CHLSN: variants seen among roughly 807,000 people sequenced by gnomAD.
CHLSN encodes cholesin.
At chr7:1,124,843 C>T in the CHLSN span, among the ~76,000 whole-genome samples, 4 of 152,156 alleles carry the variant, frequency 2.6e-5, no homozygotes, top group African/African-American at 9.7e-5. Context: ...AGGTGGAACG[C>T]GGGGCTGCCT....
the CHLSN span, among the ~76,000 whole-genome samples, chr7:992,714 T>C: frequency 6.6e-6 from 1 of 152,196 alleles, no homozygotes; most frequent in Non-Finnish European, 1.5e-5. Context: ...TGGGGCTCCC[T>C]CAGAGCGGGG....
chr7:1,039,615 G>T, the CHLSN span, among the ~76,000 whole-genome samples: 2 of 63,756 alleles, frequency 3.1e-5, no homozygotes, highest in Non-Finnish European at 5.5e-5. Context: ...CTGCCCGGCC[G>T]CCCCTACTGG....
chr7:985,370 A>G, the CHLSN span: 1 of 1,532,002 alleles, frequency 6.5e-7, no homozygotes, highest in South Asian at 1.2e-5. Flanking sequence ...GCCTGGAGTG[A>G]TGGGCGTGCA....
the CHLSN span, chr7:1,009,884 C>T: frequency 1.5e-6 from 2 of 1,363,344 alleles, no homozygotes; most frequent in East Asian, 2.5e-5. Flanking sequence ...GTGAAGGCTT[C>T]GACCCCCTCA....
At chr7:1,109,883 C>A in the CHLSN span, among the ~76,000 whole-genome samples, 1 of 148,510 alleles carries the variant, frequency 6.7e-6, no homozygotes, top group Non-Finnish European at 1.5e-5. Context: ...GCAACCACCT[C>A]CATCCTCACC....
chr7:1,099,681 C>T, the CHLSN span, among the ~76,000 whole-genome samples: 3 of 152,236 alleles, frequency 2.0e-5, no homozygotes, highest in Non-Finnish European at 2.9e-5. Flanking sequence ...GAGATGCCAG[C>T]TCCGCCTCCT....
the CHLSN span, among the ~76,000 whole-genome samples, chr7:1,008,852 TAA>T: frequency 1.4e-5 from 2 of 145,488 alleles, no homozygotes; most frequent in African/African-American, 2.7e-5. Flanking sequence ...CGCACACACG[TAA>T]ACACACGCAC....
chr7:1,083,715 G>A, the CHLSN span, among the ~76,000 whole-genome samples: 2 of 151,706 alleles, frequency 1.3e-5, no homozygotes, highest in Non-Finnish European at 2.9e-5. Flanking sequence ...TCAGCATGCT[G>A]TGGTCAACTG....
chr7:1,050,921 CT>C, the CHLSN span, among the ~76,000 whole-genome samples: 5 of 152,228 alleles, frequency 3.3e-5, no homozygotes, highest in Non-Finnish European at 4.4e-5. Flanking sequence ...TCCTGCTTAG[CT>C]GGGCCTCACC....
the CHLSN span, among the ~76,000 whole-genome samples, chr7:1,023,955 C>G: frequency 2.0e-5 from 3 of 151,752 alleles, no homozygotes; most frequent in South Asian, 6.2e-4. This position sits in a 1 kb window ranked among gnomAD's most constrained non-coding sequence, Gnocchi z 5.0. Context: ...ATCCTCCCAC[C>G]TCAGCCTCCC....
chr7:1,031,391 C>CG, the CHLSN span, among the ~76,000 whole-genome samples: 2,001 of 73,972 alleles, frequency 0.027, 79 homozygotes, highest in African/African-American at 0.05. Context: ...CAGAGTGGTC[C>CG]GGGGGGGCAG....
the CHLSN span, among the ~76,000 whole-genome samples, chr7:1,050,845 C>A: frequency 6.6e-6 from 1 of 152,202 alleles, no homozygotes; most frequent in African/African-American, 2.4e-5. Context: ...TCGGCAGGGA[C>A]CAGGAACCCA....
the CHLSN span, chr7:1,092,373 G>C: frequency 2.5e-6 from 4 of 1,582,228 alleles, no homozygotes; most frequent in Non-Finnish European, 3.4e-6. Context: ...GGGAGGTGCA[G>C]TGGCTCGAGG....
At chr7:1,017,782 T>G in the CHLSN span, among the ~76,000 whole-genome samples, 1 of 152,030 alleles carries the variant, frequency 6.6e-6, no homozygotes, top group Non-Finnish European at 1.5e-5. Context: ...GACGGCAGGG[T>G]AAGGGGCTTC....
chr7:1,030,155 A>C, the CHLSN span, among the ~76,000 whole-genome samples: 5,385 of 152,198 alleles, frequency 0.035, 115 homozygotes, highest in African/African-American at 0.058. Flanking sequence ...GCCAGCCCAC[A>C]CAGTCACCTG....
At chr7:1,081,266 A>G in the CHLSN span, among the ~76,000 whole-genome samples, 1 of 152,146 alleles carries the variant, frequency 6.6e-6, no homozygotes, top group African/African-American at 2.4e-5. Flanking sequence ...GCTCCACCAG[A>G]CTGACCTTGC....
chr7:1,040,439 G>A, the CHLSN span, among the ~76,000 whole-genome samples: 1 of 152,148 alleles, frequency 6.6e-6, no homozygotes, highest in Non-Finnish European at 1.5e-5. Flanking sequence ...AGGCTACAGT[G>A]AGCTATGATT....
At chr7:1,077,917 T>G in the CHLSN span, 1 of 152,354 alleles carries the variant, frequency 6.6e-6, no homozygotes, top group South Asian at 2.1e-4. Context: ...GGCCTCGGCG[T>G]CCTCTGCCGC....
the CHLSN span, among the ~76,000 whole-genome samples, chr7:1,084,600 G>A: frequency 6.6e-6 from 1 of 152,170 alleles, no homozygotes; most frequent in East Asian, 1.9e-4. Context: ...CTGGTGGACC[G>A]CTCCCCTTGA....
Sources: allele counts gnomAD v4.1 joint callset (sites outside exome capture counted in the v4.1 genomes callset), GRCh38; gene constraint gnomAD v4.1.1; non-coding constraint Gnocchi (gnomAD v3.1); transcripts MANE v1.5; gene names NCBI Gene and HGNC (gene_info 2026-07-23, HGNC 2026-07-21).